KLF8: variants seen among roughly 807,000 people sequenced by gnomAD.
KLF8 encodes the protein KLF transcription factor 8, also known as Krueppel-like factor 8.
Under a neutral mutation model 18.2 loss-of-function variants are expected in KLF8, and 10 were observed. The ratio of observed to expected loss-of-function variants is 0.55; its 90% CI spans 0.34 to 0.93. The LOEUF (loss-of-function observed/expected upper bound fraction) is 0.93, where lower values mean the gene tolerates loss of function less well. KLF8 is among the 40% of genes least tolerant of loss of function. KLF8 has a pLI of 0.02. For synonymous variants in KLF8, 109 were observed against 97.3 expected (o/e 1.12, Z -0.71); for missense variants, 264 against 277.9 (o/e 0.95, Z 0.36).
chrX:56,221,941 C>G, the KLF8 span, among the ~76,000 whole-genome samples: 2 of 111,645 alleles, frequency 1.8e-5, no homozygotes, highest in Non-Finnish European at 3.8e-5. Context: ...TCCGATTGGT[C>G]TGTTTTACAG....
the KLF8 span, among the ~76,000 whole-genome samples, chrX:55,995,858 G>T: frequency 9.0e-6 from 1 of 111,033 alleles, no homozygotes; most frequent in Non-Finnish European, 1.9e-5. Context: ...TATGAGTCTT[G>T]ATGATCCTGC....
At chrX:55,943,647 T>A in the KLF8 span, among the ~76,000 whole-genome samples, 1 of 112,021 alleles carries the variant, frequency 8.9e-6, no homozygotes, top group Non-Finnish European at 1.9e-5. Context: ...AGGTGAAAAC[T>A]TAAGTGGGAC....
the KLF8 span, among the ~76,000 whole-genome samples, chrX:56,023,343 G>A: frequency 8.9e-6 from 1 of 111,789 alleles, no homozygotes; most frequent in African/African-American, 3.3e-5. Context: ...AAATTGATTA[G>A]CTGCTGTAAC....
chrX:56,048,961 T>A, the KLF8 span, among the ~76,000 whole-genome samples: 1 of 111,943 alleles, frequency 8.9e-6, no homozygotes, highest in Admixed American at 9.5e-5. Flanking sequence ...TGGCTTGTAG[T>A]TCTCCTTGAA....
At chrX:56,153,914 C>T in the KLF8 span, among the ~76,000 whole-genome samples, 1 of 111,210 alleles carries the variant, frequency 9.0e-6, no homozygotes, top group South Asian at 3.8e-4. Flanking sequence ...CAAACCACTG[C>T]TCAGTGAAAT....
chrX:56,018,571 C>T, the KLF8 span, among the ~76,000 whole-genome samples: 1 of 110,983 alleles, frequency 9.0e-6, no homozygotes. Flanking sequence ...TATGGCCTAA[C>T]TCTCTGAGGG....
At chrX:56,117,765 G>A in the KLF8 span, among the ~76,000 whole-genome samples, 2 of 112,112 alleles carry the variant, frequency 1.8e-5, no homozygotes, top group African/African-American at 6.5e-5. Flanking sequence ...TTGTGTCAGT[G>A]TGGGGCAGCA....
At chrX:56,217,108 T>C in the KLF8 span, among the ~76,000 whole-genome samples, 1 of 112,161 alleles carries the variant, frequency 8.9e-6, no homozygotes, top group African/African-American at 3.2e-5. Context: ...TGTGAATATG[T>C]GCATGACTGT....
the KLF8 span, among the ~76,000 whole-genome samples, chrX:56,204,555 G>T: frequency 9.0e-6 from 1 of 111,201 alleles, no homozygotes; most frequent in African/African-American, 3.3e-5. Context: ...CTAGCCATGG[G>T]TCTGTCATAT....
At chrX:56,256,591 A>G (rs2066798754) in intron 2 of KLF8, among the ~76,000 whole-genome samples, 1 of 111,707 alleles carries the variant, frequency 9.0e-6, no homozygotes, top group South Asian at 3.7e-4. Flanking sequence ...GCTATATTCC[A>G]TAGGTTTTGA....
chrX:56,252,245 C>T (rs2066725670), intron 2 of KLF8, among the ~76,000 whole-genome samples: 1 of 111,449 alleles, frequency 9.0e-6, no homozygotes, highest in Non-Finnish European at 1.9e-5. Context: ...AAATCCTGAC[C>T]TCAGGTGATC....
the KLF8 span, among the ~76,000 whole-genome samples, chrX:56,062,480 ATTCTT>A: frequency 2.7e-5 from 3 of 111,791 alleles, no homozygotes; most frequent in Admixed American, 2.8e-4. Flanking sequence ...TGGATTGAAA[ATTCTT>A]TTCTTTAAGA....
chrX:55,992,858 C>T, the KLF8 span, among the ~76,000 whole-genome samples: 4 of 111,202 alleles, frequency 3.6e-5, no homozygotes, highest in Non-Finnish European at 7.5e-5. Context: ...GTTTTTGTGG[C>T]TATTGTGAAT....
chrX:56,234,868 C>A (rs944843195), intron 1 of KLF8, among the ~76,000 whole-genome samples: 34 of 111,859 alleles, frequency 3.0e-4, no homozygotes, highest in African/African-American at 1.1e-3. Flanking sequence ...GCCTGGAGGG[C>A]AGACAGGCAG....
chrX:56,013,764 C>T, the KLF8 span, among the ~76,000 whole-genome samples: 1 of 111,737 alleles, frequency 8.9e-6, no homozygotes. Context: ...TCTCCTTCTG[C>T]CATGATTATA....
chrX:56,186,674 G>C, the KLF8 span, among the ~76,000 whole-genome samples: 174 of 111,657 alleles, frequency 1.6e-3, no homozygotes, highest in Non-Finnish European at 2.5e-3. Context: ...ATAACAAACT[G>C]TCTCTCAGAC....
chrX:56,040,210 C>G, the KLF8 span, among the ~76,000 whole-genome samples: 1 of 111,330 alleles, frequency 9.0e-6, no homozygotes, highest in African/African-American at 3.3e-5. Flanking sequence ...ATTTGTATAC[C>G]CTTTATTTCT....
At chrX:56,141,510 A>G in the KLF8 span, among the ~76,000 whole-genome samples, 1 of 111,566 alleles carries the variant, frequency 9.0e-6, no homozygotes, top group Non-Finnish European at 1.9e-5. Context: ...TTAATTTTAT[A>G]TGCCACCACA....
chrX:55,972,225 G>A, the KLF8 span, among the ~76,000 whole-genome samples: 5 of 111,477 alleles, frequency 4.5e-5, no homozygotes, highest in African/African-American at 9.7e-5. Flanking sequence ...AAGTCTTGTC[G>A]TTGGCAATAA....
Sources: allele counts gnomAD v4.1 joint callset (sites outside exome capture counted in the v4.1 genomes callset), GRCh38; gene constraint gnomAD v4.1.1; transcripts MANE v1.5; gene names NCBI Gene and HGNC (gene_info 2026-07-23, HGNC 2026-07-21).